Variants in MYO5B observed in about 807,000 individuals in gnomAD.
The protein encoded by MYO5B is myosin VB.
In MYO5B, 143 loss-of-function variants were observed where a neutral mutation model predicts 229.3. The observed-to-expected ratio is 0.62, with a 90% CI of 0.54 to 0.72. The LOEUF (loss-of-function observed/expected upper bound fraction) is 0.72. MYO5B is among the 30% of genes least tolerant of loss of function. The pLI is 0.00. For missense variants in MYO5B, 2,321 were observed against 2,331.0 expected (o/e 1.00, Z 0.09); for synonymous variants, 918 against 885.2 (o/e 1.04, Z -0.66).
At chr18:49,979,420 G>A (rs115655890) in intron 9 of MYO5B, among the ~76,000 whole-genome samples, 2,749 of 152,276 alleles carry the variant, frequency 0.018, 65 homozygotes, top group African/African-American at 0.062. Context: ...CCCACAGATT[G>A]TGTATCCATC....
chr18:50,105,204 AAAATAAATAAATAAAT>A lies in MYO5B; in HGVS notation c.28-49842_28-49827del, dbSNP rs149697050. Among the ~76,000 whole-genome samples the A allele has an allele frequency of 1.5e-3, 202 of 139,104 alleles. 2 individuals are homozygous for A. The highest frequency in any genetic ancestry group is 3.6e-3 in the Middle Eastern group (1 of 280). The allele number at this position is 139,104 out of a possible 152,430, so 91.3% of individuals were successfully genotyped here. ...GTAAGCAAGAGGTCAAGGCATGGTA[AAAATAAATAAATAAAT>A]AAATAAATAAATAAATAAATAAATA... On this transcript the variant is annotated intron_variant, in intron 1 of 39. Transcript: ENST00000285039.
chr18:49,992,810 G>A (rs913984112), intron 5 of MYO5B, among the ~76,000 whole-genome samples: 7 of 152,120 alleles, frequency 4.6e-5, no homozygotes, highest in African/African-American at 1.7e-4. Context: ...GAATCACAGA[G>A]ACCTTAGCTG....
intron 4 of MYO5B, among the ~76,000 whole-genome samples, chr18:50,015,357 A>G (rs1193610873): frequency 6.6e-6 from 1 of 152,214 alleles, no homozygotes; most frequent in Non-Finnish European, 1.5e-5. Flanking sequence ...ATGTAATTAA[A>G]GCAATCTTCA....
intron 4 of MYO5B, among the ~76,000 whole-genome samples, chr18:50,009,393 A>G (rs1343260297): frequency 6.6e-6 from 1 of 152,216 alleles, no homozygotes; most frequent in Non-Finnish European, 1.5e-5. Flanking sequence ...AACAACAACA[A>G]CAACTCAATA....
intron 1 of MYO5B, among the ~76,000 whole-genome samples, chr18:50,088,903 T>C (rs2031387579): frequency 6.6e-6 from 1 of 152,234 alleles, no homozygotes; most frequent in South Asian, 2.1e-4. Flanking sequence ...CATATGTTAG[T>C]GCTTGACAGA....
chr18:50,050,842 C>T (rs1156570284), intron 2 of MYO5B, among the ~76,000 whole-genome samples: 4 of 152,186 alleles, frequency 2.6e-5, no homozygotes, highest in African/African-American at 9.7e-5. Flanking sequence ...ACTCATTATC[C>T]TTCCTTTCAG....
chr18:50,051,392 T>C (rs1034814896), intron 2 of MYO5B, among the ~76,000 whole-genome samples: 5 of 152,150 alleles, frequency 3.3e-5, no homozygotes, highest in Admixed American at 6.5e-5. Flanking sequence ...AGGTGGGTGA[T>C]AGATAGTAGA....
Position 50,040,088 on chromosome 18 carries a change from C to G in MYO5B, c.310+55G>C. The G allele has an allele frequency of 8.2e-6, 13 of 1,580,780 alleles. 1 individual carries two copies. The South Asian group carries it at 1.4e-4, about 18-fold the overall frequency. ...TCCTAAGCATTTGAGTTGAGCAAGT[C>G]TAAAGCTGGTAAGCACTTTCCAACG... On this transcript the variant is annotated intron_variant, in intron 3 of 39. Transcript: ENST00000285039.
chr18:50,133,787 G>A (rs543918141), intron 1 of MYO5B, among the ~76,000 whole-genome samples: 6 of 152,180 alleles, frequency 3.9e-5, no homozygotes, highest in South Asian at 4.2e-4. Flanking sequence ...CTGGGACTCC[G>A]CATTCTTCAT....
chr18:49,884,067 ATG>A, intron 22 of MYO5B, among the ~76,000 whole-genome samples: 1 of 25,494 alleles, frequency 3.9e-5, no homozygotes, highest in Non-Finnish European at 9.8e-5. Flanking sequence ...GCCAAATACA[ATG>A]CCAAAAGCAC....
intron 2 of MYO5B, among the ~76,000 whole-genome samples, chr18:50,053,564 T>G (rs1351837439): frequency 2.0e-5 from 3 of 152,170 alleles, no homozygotes; most frequent in African/African-American, 7.2e-5. Context: ...TTATTCAACA[T>G]GGTAAACATA....
intron 4 of MYO5B, among the ~76,000 whole-genome samples, chr18:50,034,670 G>A (rs970254377): frequency 2.0e-5 from 3 of 152,088 alleles, no homozygotes; most frequent in African/African-American, 7.2e-5. Context: ...CTTGAACCTG[G>A]GGGGCGGAGG....
chr18:50,142,386 A>G (rs2032431277), intron 1 of MYO5B, among the ~76,000 whole-genome samples: 2 of 152,338 alleles, frequency 1.3e-5, no homozygotes, highest in African/African-American at 4.8e-5. Flanking sequence ...AACTGTAAGG[A>G]AGTGCAATTC....
At chr18:49,956,016 G>T (rs1400022801) in intron 12 of MYO5B, among the ~76,000 whole-genome samples, 1 of 152,218 alleles carries the variant, frequency 6.6e-6, no homozygotes, top group African/African-American at 2.4e-5. Flanking sequence ...GGACTTCTGT[G>T]AGAAGACTTC....
chr18:50,093,659 G>C (rs8086061), intron 1 of MYO5B, among the ~76,000 whole-genome samples: 104,298 of 151,938 alleles, frequency 0.69, 38,117 homozygotes, highest in Middle Eastern at 0.81. Flanking sequence ...GATAAAGCAG[G>C]TTGTGGTAAA....
chr18:50,060,001 G>C (rs963778365), intron 1 of MYO5B, among the ~76,000 whole-genome samples: 2 of 152,188 alleles, frequency 1.3e-5, no homozygotes, highest in African/African-American at 4.8e-5. Context: ...GGAACGACTT[G>C]AGGAAGGCAG....
chr18:49,859,109 A>C (rs2024297712), intron 29 of MYO5B, among the ~76,000 whole-genome samples: 1 of 152,180 alleles, frequency 6.6e-6, no homozygotes, highest in South Asian at 2.1e-4. Flanking sequence ...GCATCCAGGA[A>C]ACTGGCTGGA....
intron 4 of MYO5B, among the ~76,000 whole-genome samples, chr18:50,004,981 T>C (rs2026086185): frequency 1.3e-5 from 2 of 152,220 alleles, no homozygotes; most frequent in South Asian, 4.1e-4. Context: ...TTAACTTATT[T>C]GACCTTCAGA....
At chr18:49,982,208 C>T (rs762707491) in intron 8 of MYO5B, among the ~76,000 whole-genome samples, 1 of 152,124 alleles carries the variant, frequency 6.6e-6, no homozygotes. Flanking sequence ...GTAGCTGGGA[C>T]AGGTGTGTGC....
Sources: allele counts gnomAD v4.1 joint callset (sites outside exome capture counted in the v4.1 genomes callset), GRCh38; gene constraint gnomAD v4.1.1; transcripts MANE v1.5; gene names NCBI Gene and HGNC (gene_info 2026-07-23, HGNC 2026-07-21).